Variants in FAM193A observed in about 807,000 individuals in gnomAD.
FAM193A encodes the protein protein FAM193A.
FAM193A carries 22 observed loss-of-function variants against 126.5 expected under a neutral mutation model. The observed-to-expected ratio is 0.17, with a 90% CI of 0.12 to 0.25. The LOEUF is 0.25. Ranked by LOEUF, FAM193A falls within the 10% of genes least tolerant of loss-of-function variation. The pLI is 1.00. For synonymous variants in FAM193A, 761 were observed against 646.8 expected (o/e 1.18, Z -2.68); for missense variants, 1,675 against 1,672.8 (o/e 1.00, Z -0.02).
rs1742563017 is a variant in FAM193A at position 2,621,854 on chromosome 4, C to A, written c.502-3408C>A. Among the ~76,000 whole-genome samples the A allele has an allele frequency of 2.0e-5, 3 of 152,072 alleles. No individual in the cohort carries two copies. In the South Asian group the frequency reaches 6.2e-4, roughly 31 times the overall value. On this transcript the variant is annotated intron_variant, in intron 2 of 20. Transcript: ENST00000637812. ...AGGGAACAGCCTCTTCTACCACTGC[C>A]CTCTCCTTGCCCTACCATGCCTCTT...
At chr4:2,676,074 G>A (rs77510506) in intron 13 of FAM193A, among the ~76,000 whole-genome samples, 3,971 of 152,296 alleles carry the variant, frequency 0.026, 185 homozygotes, top group African/African-American at 0.09. Context: ...TATGAACAGT[G>A]CTGCTGTAAA....
chr4:2,543,846 C>T (rs1737381290), intron 1 of FAM193A, among the ~76,000 whole-genome samples: 1 of 82,712 alleles, frequency 1.2e-5, no homozygotes. Flanking sequence ...CTTCAGCCTG[C>T]ACAAAAGAAT....
intron 12 of FAM193A, among the ~76,000 whole-genome samples, chr4:2,664,618 G>C (rs1270749734): frequency 7.3e-6 from 1 of 136,866 alleles, no homozygotes; most frequent in South Asian, 2.4e-4. Context: ...CCAGGCTGGA[G>C]TGCAGTGGCG....
At chr4:2,538,072 T>G (rs1578548031) in intron 1 of FAM193A, among the ~76,000 whole-genome samples, 1 of 152,330 alleles carries the variant, frequency 6.6e-6, no homozygotes, top group South Asian at 2.1e-4. Context: ...ATAGATTTTT[T>G]TTGAAAAGTT....
Position 2,659,540 on chromosome 4 carries a change from T to A in FAM193A, c.1390-18T>A. The A allele has an allele frequency of 1.3e-6, 2 of 1,564,016 alleles. No individual in the cohort carries two copies. The highest frequency in any genetic ancestry group is 2.2e-5 in the South Asian group (2 of 89,956). On this transcript the variant is annotated intron_variant, in intron 8 of 20. Transcript: ENST00000637812. The stretch of plus-strand genomic sequence containing the variant: ...GGAAGGGTCTTGCAAGATTAAAGCA[T>A]TTTAAAATTTCCTCTAGTTAACCAA...
intron 1 of FAM193A, among the ~76,000 whole-genome samples, chr4:2,554,930 C>T (rs574793112): frequency 6.6e-6 from 1 of 152,124 alleles, no homozygotes; most frequent in South Asian, 2.1e-4. Context: ...TATATTTTTT[C>T]TATCTTTTTG....
chr4:2,726,423 C>G lies in FAM193A; in HGVS notation c.4455-5352C>G, dbSNP rs1025827806. Among the ~76,000 whole-genome samples, 5 of 152,088 alleles carry G rather than the reference C, an allele frequency of 3.3e-5. No individual in the cohort carries two copies. In the East Asian group the frequency reaches 9.6e-4, roughly 29 times the overall value. ...TTGAGTTGTTCTTTCTAACCCCCTT[C>G]CCTTTCTAAAGAGGCAAGAGATTTG... On this transcript the variant is annotated intron_variant, in intron 20 of 20. Transcript: ENST00000637812.
At chr4:2,680,645 C>A (rs1036137894) in intron 13 of FAM193A, among the ~76,000 whole-genome samples, 1 of 150,116 alleles carries the variant, frequency 6.7e-6, no homozygotes, top group Admixed American at 6.6e-5. Flanking sequence ...CCAATACTTA[C>A]TTACTTTTTT....
At chr4:2,574,398 C>A (rs1220937379) in intron 1 of FAM193A, among the ~76,000 whole-genome samples, 1 of 152,164 alleles carries the variant, frequency 6.6e-6, no homozygotes, top group Non-Finnish European at 1.5e-5. Context: ...TCGTTCACTG[C>A]TGCTGCAGAT....
chr4:2,629,063 A>T (rs1163096662), intron 4 of FAM193A, among the ~76,000 whole-genome samples: 1 of 152,076 alleles, frequency 6.6e-6, no homozygotes. Flanking sequence ...CGTGTTAGCC[A>T]GGATGGTCTC....
intron 19 of FAM193A, among the ~76,000 whole-genome samples, chr4:2,715,106 G>A (rs545132836): frequency 5.3e-5 from 8 of 152,194 alleles, no homozygotes; most frequent in Non-Finnish European, 1.2e-4. Context: ...TATCCTGCCT[G>A]TTTTCAAAGA....
chr4:2,574,584 G>T (rs1044090582), intron 1 of FAM193A, among the ~76,000 whole-genome samples: 4 of 152,142 alleles, frequency 2.6e-5, no homozygotes, highest in Admixed American at 2.6e-4. Context: ...AGCATCTAGT[G>T]GAAAGTGACT....
chr4:2,542,360 G>T (rs1476889659), intron 1 of FAM193A, among the ~76,000 whole-genome samples: 2 of 152,118 alleles, frequency 1.3e-5, no homozygotes, highest in East Asian at 1.9e-4. Context: ...AGCTGGTCTC[G>T]AACTCCTGAC....
intron 1 of FAM193A, among the ~76,000 whole-genome samples, chr4:2,572,180 A>C (rs1739329367): frequency 6.6e-6 from 1 of 151,462 alleles, no homozygotes; most frequent in Admixed American, 6.6e-5. Flanking sequence ...AAAAAAAAAA[A>C]AAACTGGGTG....
intron 1 of FAM193A, among the ~76,000 whole-genome samples, chr4:2,575,857 A>C (rs1446810761): frequency 1.3e-5 from 2 of 152,028 alleles, no homozygotes; most frequent in Admixed American, 1.3e-4. Flanking sequence ...TCTGCTCTTC[A>C]CTGGTGGACA....
At chr4:2,608,191 T>C in intron 2 of FAM193A, 1 of 1,494,440 alleles carries the variant, frequency 6.7e-7, no homozygotes, top group Non-Finnish European at 9.2e-7. Flanking sequence ...TTCATTTTTC[T>C]TTTCTGTTTT....
chr4:2,590,089 C>T (rs1342816281), intron 1 of FAM193A, among the ~76,000 whole-genome samples: 1 of 147,194 alleles, frequency 6.8e-6, no homozygotes, highest in African/African-American at 2.5e-5. Flanking sequence ...GAGCTGAGAT[C>T]ACGCCACTGC....
At chr4:2,695,177 A>G (rs1716893844) in intron 17 of FAM193A, 48 bp downstream of exon 17, 1 of 1,475,456 alleles carries the variant, frequency 6.8e-7, no homozygotes, top group Non-Finnish European at 9.0e-7. Flanking sequence ...TGTGCAACAC[A>G]CGGGCTCCTT....
chr4:2,545,015 C>G (rs542369484), intron 1 of FAM193A, among the ~76,000 whole-genome samples: 3 of 149,836 alleles, frequency 2.0e-5, no homozygotes, highest in Non-Finnish European at 3.0e-5. Context: ...TTTTTTGAGA[C>G]GGAGTCTCCC....
Sources: allele counts gnomAD v4.1 joint callset (sites outside exome capture counted in the v4.1 genomes callset), GRCh38; gene constraint gnomAD v4.1.1; transcripts MANE v1.5; gene names NCBI Gene and HGNC (gene_info 2026-07-23, HGNC 2026-07-21).